GPC6: variants seen among roughly 807,000 people sequenced by gnomAD.
The protein encoded by GPC6 is glypican-6.
In GPC6, 14 loss-of-function variants were observed where a neutral mutation model predicts 55.2. The ratio of observed to expected loss-of-function variants is 0.25; its 90% CI spans 0.17 to 0.40. GPC6 has a LOEUF of 0.40. Ranked by LOEUF, GPC6 falls within the 10% of genes least tolerant of loss-of-function variation. The pLI is 1.00. For missense variants in GPC6, 641 were observed against 708.5 expected, an observed-to-expected ratio of 0.90 and a Z score of 1.08; for synonymous variants, 278 against 259.6, an observed-to-expected ratio of 1.07 and a Z score of -0.68.
At position 94,219,045 on chromosome 13, in the gene GPC6, T is replaced by C. The variant is rs151102804; in HGVS notation, c.878-67304T>C. 2.0e-3 allele frequency among the ~76,000 whole-genome samples: 308 copies of C among 152,304 alleles called. 3 individuals carry two copies. Among genetic ancestry groups the C allele is most frequent in the Admixed American group, 0.015 (236 of 15,284 alleles). On this transcript the variant is annotated intron_variant, in intron 4 of 8. Coordinates refer to ENST00000377047, the MANE Select transcript of GPC6 (RefSeq NM_005708.5). ...CTCATAGCCTGAATTGATTCACATA[T>C]GCTAACATGTGTCAGAAGCATTACT...
intron 7 of GPC6, among the ~76,000 whole-genome samples, chr13:94,385,357 C>T (rs941287239): frequency 6.6e-6 from 1 of 152,064 alleles, no homozygotes; most frequent in African/African-American, 2.4e-5. Flanking sequence ...TAGGAACGGA[C>T]CACACTGGTA....
At chr13:93,847,277 G>A (rs1276635524) in intron 3 of GPC6, among the ~76,000 whole-genome samples, 3 of 152,104 alleles carry the variant, frequency 2.0e-5, no homozygotes, top group Non-Finnish European at 4.4e-5. Context: ...GAGGTGGCAC[G>A]TGTCTGTGGA....
At chr13:93,248,610 T>C (rs1014187512) in intron 1 of GPC6, among the ~76,000 whole-genome samples, 1 of 152,126 alleles carries the variant, frequency 6.6e-6, no homozygotes, top group African/African-American at 2.4e-5. Context: ...AGAGGACCAG[T>C]GTCCTAAGCC....
chr13:94,292,016 A>G (rs1875006108), intron 5 of GPC6, among the ~76,000 whole-genome samples: 1 of 152,196 alleles, frequency 6.6e-6, no homozygotes, highest in Admixed American at 6.5e-5. Flanking sequence ...AAAAGCAACA[A>G]TATTTATAAC....
intron 4 of GPC6, among the ~76,000 whole-genome samples, chr13:94,053,588 ATCACACTTG>A (rs1315754802): frequency 6.6e-6 from 1 of 152,166 alleles, no homozygotes; most frequent in African/African-American, 2.4e-5. Flanking sequence ...ACTGAGAACA[ATCACACTTG>A]TCCCAACATA....
intron 3 of GPC6, among the ~76,000 whole-genome samples, chr13:93,875,575 A>G (rs1889267479): frequency 6.6e-6 from 1 of 152,054 alleles, no homozygotes; most frequent in Admixed American, 6.6e-5. Flanking sequence ...AGGAAAGGGA[A>G]TGTGTCTTTC....
intron 6 of GPC6, among the ~76,000 whole-genome samples, chr13:94,309,641 AAAGTGGTTTGTG>A (rs1876134156): frequency 6.6e-6 from 1 of 151,892 alleles, no homozygotes; most frequent in African/African-American, 2.4e-5. Flanking sequence ...ATACTACCCT[AAAGTGGTTTGTG>A]TTATCCAAGA....
intron 3 of GPC6, among the ~76,000 whole-genome samples, chr13:93,947,455 C>T (rs1020178324): frequency 6.6e-6 from 1 of 152,060 alleles, no homozygotes; most frequent in East Asian, 1.9e-4. Flanking sequence ...AAGATGAAAA[C>T]AGAGTTTACT....
chr13:94,159,756 A>G (rs9589920), intron 4 of GPC6, among the ~76,000 whole-genome samples: 2,892 of 152,318 alleles, frequency 0.019, 102 homozygotes, highest in African/African-American at 0.066. Context: ...GATAAGGTCT[A>G]TGCTCAATAA....
At chr13:93,449,118 A>G (rs1878117796) in intron 1 of GPC6, among the ~76,000 whole-genome samples, 2 of 152,252 alleles carry the variant, frequency 1.3e-5, no homozygotes, top group Non-Finnish European at 2.9e-5. Context: ...CTTAATAAAT[A>G]TTTGTGAAAT....
intron 1 of GPC6, among the ~76,000 whole-genome samples, chr13:93,328,033 A>AT (rs1029424796): frequency 6.6e-6 from 1 of 151,886 alleles, no homozygotes; most frequent in Non-Finnish European, 1.5e-5. Flanking sequence ...TATATTTTTT[A>AT]TTTTTTTCCT....
intron 1 of GPC6, among the ~76,000 whole-genome samples, chr13:93,268,538 G>A (rs980330934): frequency 6.6e-6 from 1 of 152,122 alleles, no homozygotes; most frequent in Non-Finnish European, 1.5e-5. Flanking sequence ...GTGGAAGAGA[G>A]TCGATGGAGC....
intron 3 of GPC6, among the ~76,000 whole-genome samples, chr13:93,866,918 T>C (rs1477540251): frequency 2.0e-5 from 3 of 151,690 alleles, no homozygotes; most frequent in Non-Finnish European, 4.4e-5. Context: ...TAAAAATATA[T>C]AATGTAAATA....
Position 93,376,477 on chromosome 13 carries a change from T to A in GPC6, c.160+148861T>A, listed in dbSNP as rs556956461. 1.0e-3 allele frequency among the ~76,000 whole-genome samples: 158 copies of A among 152,304 alleles called. 1 individual carries two copies. The highest frequency in any genetic ancestry group is 3.7e-3 in the African/African-American group (154 of 41,572). ...AGGTTAATTCTGCTCAAAAACTGCC[T>A]TAGTCAGTGGATAGTATCACAATTA... is the stretch of plus-strand genomic sequence containing the variant. On this transcript the variant is annotated intron_variant, in intron 1 of 8. Transcript: ENST00000377047.
chr13:94,293,195 C>G (rs890379203), intron 5 of GPC6, among the ~76,000 whole-genome samples: 3 of 152,158 alleles, frequency 2.0e-5, no homozygotes, highest in African/African-American at 7.2e-5. Flanking sequence ...GTACCAGGCA[C>G]AAGGAATACA....
At chr13:94,314,507 A>G (rs936875786) in intron 6 of GPC6, among the ~76,000 whole-genome samples, 1 of 152,198 alleles carries the variant, frequency 6.6e-6, no homozygotes, top group Non-Finnish European at 1.5e-5. Context: ...TTATTCTGCT[A>G]TGTAATTGGT....
chr13:93,840,987 C>A (rs1349511613), intron 3 of GPC6, among the ~76,000 whole-genome samples: 1 of 152,120 alleles, frequency 6.6e-6, no homozygotes, highest in Non-Finnish European at 1.5e-5. Flanking sequence ...TATGCTCTTC[C>A]TATGAGAGGG....
chr13:94,157,421 G>T lies in GPC6; in HGVS notation c.878-128928G>T, dbSNP rs564550495. ...AATCATAGAAACCTTCGTGATAGGA[G>T]TCAAAGCCCAGGTGGGCTTGAAAGG... On this transcript the variant is annotated intron_variant, in intron 4 of 8. Coordinates refer to ENST00000377047, the MANE Select transcript of GPC6 (RefSeq NM_005708.5). 3.3e-4 allele frequency among the ~76,000 whole-genome samples: 50 copies of T among 152,262 alleles called. No individual in the cohort carries two copies. The South Asian group carries it at 6.4e-3, about 20-fold the overall frequency.
chr13:93,384,939 C>T (rs1042379719), intron 1 of GPC6, among the ~76,000 whole-genome samples: 1 of 152,180 alleles, frequency 6.6e-6, no homozygotes, highest in Non-Finnish European at 1.5e-5. Context: ...ACTAGGTATC[C>T]CATGTTGAGG....
Sources: allele counts gnomAD v4.1 joint callset (sites outside exome capture counted in the v4.1 genomes callset), GRCh38; gene constraint gnomAD v4.1.1; transcripts MANE v1.5; gene names NCBI Gene and HGNC (gene_info 2026-07-23, HGNC 2026-07-21).